The following NUTF2 variants were observed in gnomAD, a reference collection of about 807,000 sequenced individuals.
NUTF2 encodes placental protein 15.
A neutral mutation model predicts 18.5 loss-of-function variants in NUTF2; 3 were observed. The observed-to-expected ratio is 0.16, with a 90% CI of 0.07 to 0.42. The LOEUF (loss-of-function observed/expected upper bound fraction) is 0.42. Ranked by LOEUF, NUTF2 falls within the 10% of genes least tolerant of loss-of-function variation. The pLI is 0.99. For missense variants in NUTF2, 44 were observed against 160.7 expected (o/e 0.27, Z 3.93); for synonymous variants, 51 against 57.9 (o/e 0.88, Z 0.54).
rs897792639 is a variant in NUTF2, at chr16:67,868,284, T to C, written c.100-56T>C. ...CCCTTTTCAGAGTCTTTCCAGGGCC[T>C]TAGAGATACTTGTACTCTGAGGCCC... On this transcript the variant is annotated intron_variant, in intron 2 of 4. Transcript: ENST00000219169. The C allele has an allele frequency of 7.1e-6, 11 of 1,539,722 alleles. No homozygotes were observed. In the East Asian group the frequency reaches 2.5e-4, roughly 35 times the overall value.
Position 67,872,305 on chromosome 16 carries a change from A to G in NUTF2, c.*1392A>G, listed in dbSNP as rs1161071410. On this transcript the variant is annotated 3_prime_UTR_variant, in exon 5 of 5. Transcript: ENST00000219169. ...AAGGATACCCTTCCCCTGTCCCACTACGGGTGGAGGCTAAGGACCTCCTCA... is the reference window on the plus strand; with the variant it reads ...AAGGATACCCTTCCCCTGTCCCACTGCGGGTGGAGGCTAAGGACCTCCTCA... 4 of 152,224 alleles carry G rather than the reference A, an allele frequency of 2.6e-5. No homozygotes were observed. The highest frequency in any genetic ancestry group is 3.9e-4 in the East Asian group (2 of 5,192). The allele number at this position is 152,224 out of a possible 1,614,324, so 9.4% of individuals were successfully genotyped here. A position where few individuals can be genotyped will look rare whatever the true frequency, so the allele number is the denominator to read the frequency against.
chr16:67,864,618 G>A (rs2057957791), intron 1 of NUTF2, among the ~76,000 whole-genome samples: 1 of 152,030 alleles, frequency 6.6e-6, no homozygotes, highest in Non-Finnish European at 1.5e-5. Context: ...GGGGGCCTGA[G>A]GGCTGTAGTA....
intron 1 of NUTF2, among the ~76,000 whole-genome samples, chr16:67,849,910 G>A (rs1323562401): frequency 1.3e-5 from 2 of 152,064 alleles, no homozygotes; most frequent in Non-Finnish European, 2.9e-5. Flanking sequence ...CGCCCGTCTC[G>A]GCCTCCCAAA....
intron 1 of NUTF2, among the ~76,000 whole-genome samples, chr16:67,861,055 G>A (rs932811006): frequency 2.0e-5 from 3 of 152,208 alleles, no homozygotes; most frequent in Admixed American, 6.5e-5. Flanking sequence ...TCAGAGGAGT[G>A]CTCTCACTGA....
chr16:67,849,070 G>A (rs2057831911), intron 1 of NUTF2, among the ~76,000 whole-genome samples: 1 of 152,178 alleles, frequency 6.6e-6, no homozygotes, highest in East Asian at 1.9e-4. Context: ...CTCTCTGGAT[G>A]TAACTTTCCT....
At chr16:67,855,900 T>TGGGG (rs1256646247) in intron 1 of NUTF2, 76 of 222,064 alleles carry the variant, frequency 3.4e-4, no homozygotes, top group African/African-American at 1.2e-3. Context: ...GGGGGGGGGA[T>TGGGG]GGGGGAAATG....
intron 1 of NUTF2, chr16:67,855,888 G>A (rs1378330925): frequency 5.4e-5 from 10 of 184,442 alleles, no homozygotes; most frequent in East Asian, 2.5e-4. Flanking sequence ...TTTTTTTGGC[G>A]GGGGGGGGGG....
At chr16:67,855,515 A>G (rs1033694400) in intron 1 of NUTF2, among the ~76,000 whole-genome samples, 3 of 152,132 alleles carry the variant, frequency 2.0e-5, no homozygotes, top group Admixed American at 6.5e-5. Context: ...AACCCTTATT[A>G]GAGAGGGGTT....
intron 4 of NUTF2, chr16:67,868,857 A>G (rs958367607): frequency 5.9e-5 from 21 of 354,868 alleles, no homozygotes; most frequent in African/African-American, 4.0e-4. Flanking sequence ...AGAAAGTCCT[A>G]TTGGCAGACA....
chr16:67,851,540 G>A (rs550923714), intron 1 of NUTF2, among the ~76,000 whole-genome samples: 1 of 151,962 alleles, frequency 6.6e-6, no homozygotes, highest in Non-Finnish European at 1.5e-5. Context: ...AAGTTCTAGG[G>A]TACATGTGTA....
chr16:67,847,668 T>C (rs537980736), intron 1 of NUTF2: 17 of 152,434 alleles, frequency 1.1e-4, no homozygotes, highest in African/African-American at 4.1e-4. Context: ...CGGGAGACTT[T>C]ATCCCTGTCT....
chr16:67,869,503 G>C (rs1740018867), intron 4 of NUTF2, among the ~76,000 whole-genome samples: 1 of 150,236 alleles, frequency 6.7e-6, no homozygotes, highest in South Asian at 2.1e-4. Context: ...GTCAGATTCT[G>C]GGCTGGGCGC....
chr16:67,852,482 G>T (rs781257762), intron 1 of NUTF2, among the ~76,000 whole-genome samples: 57 of 150,012 alleles, frequency 3.8e-4, no homozygotes, highest in Non-Finnish European at 6.5e-4. Context: ...TCAACCTTCC[G>T]AGTGGCTGGG....
chr16:67,858,967 A>T lies in NUTF2; in HGVS notation c.-29-6135A>T, dbSNP rs2057916219. ...TCCTCCTACCTCAGCCTCCCGAGTA[A>T]CTGGGGCTACAGGCATATTCCACTA... On this transcript the variant is annotated intron_variant, in intron 1 of 4. Transcript: ENST00000219169. Among the ~76,000 whole-genome samples, 3 of 151,172 alleles carry T rather than the reference A, an allele frequency of 2.0e-5. No homozygotes were observed. The South Asian group carries it at 6.3e-4, about 32-fold the overall frequency.
chr16:67,852,224 T>C (rs1189569743), intron 1 of NUTF2, among the ~76,000 whole-genome samples: 2 of 152,062 alleles, frequency 1.3e-5, no homozygotes, highest in Non-Finnish European at 2.9e-5. Context: ...CTCAAGAGGC[T>C]GCAGGAGGTC....
intron 1 of NUTF2, among the ~76,000 whole-genome samples, chr16:67,862,223 A>G (rs933048146): frequency 3.3e-5 from 5 of 152,054 alleles, no homozygotes; most frequent in African/African-American, 1.2e-4. Context: ...TGACCAGAGG[A>G]CCCAGTGTCA....
intron 4 of NUTF2, 60 bp downstream of exon 4, chr16:67,868,659 C>A (rs1346683795): frequency 1.4e-6 from 2 of 1,464,274 alleles, no homozygotes; most frequent in East Asian, 2.3e-5. Flanking sequence ...TCTTGTACCC[C>A]TGCTTTCCCT....
chr16:67,854,206 C>T (rs1275128600), intron 1 of NUTF2, among the ~76,000 whole-genome samples: 3 of 152,206 alleles, frequency 2.0e-5, no homozygotes, highest in African/African-American at 7.2e-5. Context: ...GCCTTGGCCT[C>T]CCAAAATGCT....
At chr16:67,849,375 T>C (rs1377076773) in intron 1 of NUTF2, among the ~76,000 whole-genome samples, 2 of 152,250 alleles carry the variant, frequency 1.3e-5, no homozygotes, top group Non-Finnish European at 2.9e-5. Flanking sequence ...GGAGTCTCTC[T>C]CTGTCACCCA....
Sources: allele counts gnomAD v4.1 joint callset (sites outside exome capture counted in the v4.1 genomes callset), GRCh38; gene constraint gnomAD v4.1.1; transcripts MANE v1.5; gene names NCBI Gene and HGNC (gene_info 2026-07-23, HGNC 2026-07-21).